Variants in SCUBE1 observed in about 807,000 individuals in gnomAD.
The protein encoded by SCUBE1 is signal peptide, CUB domain and EGF like domain containing 1.
SCUBE1 carries 59 observed loss-of-function variants against 124.4 expected under a neutral mutation model. That is an observed-to-expected ratio of 0.47 (90% CI 0.38 to 0.59). SCUBE1 has a LOEUF of 0.59. SCUBE1 is among the 20% of genes least tolerant of loss of function. SCUBE1 has a pLI of 0.00. For synonymous variants in SCUBE1, 545 were observed against 550.9 expected (o/e 0.99, Z 0.15); for missense variants, 1,150 against 1,371.2 (o/e 0.84, Z 2.55).
chr22:43,322,558 G>A (rs150744738), intron 2 of SCUBE1, among the ~76,000 whole-genome samples: 2 of 152,276 alleles, frequency 1.3e-5, no homozygotes, highest in African/African-American at 4.8e-5. Flanking sequence ...GTTACAGTCT[G>A]CCCACTGGCC....
intron 21 of SCUBE1, among the ~76,000 whole-genome samples, chr22:43,206,822 A>G (rs1218902976): frequency 6.6e-6 from 1 of 152,156 alleles, no homozygotes; most frequent in Non-Finnish European, 1.5e-5. Flanking sequence ...GAGAGAGCCC[A>G]GGACGCATCC....
In SCUBE1 at chr22:43,279,148, C is replaced by T. The variant is rs184741678; in HGVS notation, c.484+11898G>A. ...GGTTTCAGATACAGGCTGCCCCAGA[C>T]GCTGCTGGGGAGAAACACTAGGTCT... is the stretch of plus-strand genomic sequence containing the variant. On this transcript the variant is annotated intron_variant, in intron 4 of 21. Coordinates refer to ENST00000360835, the MANE Select transcript of SCUBE1 (RefSeq NM_173050.5). Among the ~76,000 whole-genome samples the T allele has an allele frequency of 2.2e-4, 33 of 152,230 alleles. No individual in the cohort carries two copies. The East Asian group carries it at 4.4e-3, about 21-fold the overall frequency.
At chr22:43,306,543 C>T (rs1044606999) in intron 3 of SCUBE1, among the ~76,000 whole-genome samples, 4 of 152,080 alleles carry the variant, frequency 2.6e-5, no homozygotes, top group Admixed American at 6.5e-5. Flanking sequence ...GATGGGATCA[C>T]GAACACACAC....
At chr22:43,310,108 G>A (rs952382815) in intron 3 of SCUBE1, among the ~76,000 whole-genome samples, 4 of 152,068 alleles carry the variant, frequency 2.6e-5, no homozygotes, top group African/African-American at 9.7e-5. Flanking sequence ...ATATGACCCT[G>A]CCTGACCCAG....
At chr22:43,207,767 G>T (rs1301953698) in intron 20 of SCUBE1, among the ~76,000 whole-genome samples, 154 bp from the exon 21 acceptor site, 2 of 152,308 alleles carry the variant, frequency 1.3e-5, no homozygotes, top group Middle Eastern at 3.4e-3. Flanking sequence ...TTTGAACCTG[G>T]GGCTCCCTGC....
chr22:43,242,584 C>T (rs1035334828), intron 6 of SCUBE1, among the ~76,000 whole-genome samples: 3 of 152,240 alleles, frequency 2.0e-5, no homozygotes, highest in East Asian at 1.9e-4. Flanking sequence ...ACATTATGGC[C>T]TCATGAGGAA....
At chr22:43,306,416 C>T (rs1472303939) in intron 3 of SCUBE1, among the ~76,000 whole-genome samples, 1 of 152,142 alleles carries the variant, frequency 6.6e-6, no homozygotes, top group African/African-American at 2.4e-5. Flanking sequence ...TTTATGGACT[C>T]GGTATTCTCT....
At chr22:43,254,619 G>A (rs972012115) in intron 6 of SCUBE1, among the ~76,000 whole-genome samples, 8 of 152,170 alleles carry the variant, frequency 5.3e-5, no homozygotes, top group South Asian at 2.1e-4. Context: ...CCTCTTCCTC[G>A]GAGAAATGGA....
rs1374825511 is a variant in SCUBE1 at position 43,229,103 on chromosome 22, G to T, written c.1053C>A (p.Gly351=). The T allele has an allele frequency of 6.2e-7, 1 of 1,613,706 alleles. No individual in the cohort carries two copies. The highest frequency in any genetic ancestry group is 8.5e-7 in the Non-Finnish European group (1 of 1,179,912). ...PGSFQCLCHR[G]YILYGTTHCG... ...AGTGGGTTGTCCCGTAGAGGATGTAGCCGCGGTGACACAGGCACTGGAAGC... is the reference window on the plus strand; with the variant it reads ...AGTGGGTTGTCCCGTAGAGGATGTATCCGCGGTGACACAGGCACTGGAAGC... The change falls in exon 9 of 22, where the codon GGC becomes GGA. Residue 351 remains glycine (G), a synonymous_variant. Transcript: ENST00000360835.
At chr22:43,229,885 G>C (rs994313249) in intron 8 of SCUBE1, among the ~76,000 whole-genome samples, 1 of 151,156 alleles carries the variant, frequency 6.6e-6, no homozygotes, top group African/African-American at 2.5e-5. Context: ...GAGGAAAATG[G>C]CTGTTATGGG....
chr22:43,218,103 G>T, intron 15 of SCUBE1, 152 bp downstream of exon 15: 1 of 705,970 alleles, frequency 1.4e-6, no homozygotes, highest in Non-Finnish European at 2.5e-6. Flanking sequence ...TGATGACCAT[G>T]AGGGCTGCAG....
At chr22:43,320,306 GTGTACAA>G (rs1483020221) in intron 2 of SCUBE1, among the ~76,000 whole-genome samples, 40 of 152,322 alleles carry the variant, frequency 2.6e-4, no homozygotes, top group African/African-American at 9.1e-4. Context: ...CACGGAGCCA[GTGTACAA>G]TTTCTGAAAA....
intron 4 of SCUBE1, among the ~76,000 whole-genome samples, chr22:43,271,326 G>A (rs1013500107): frequency 6.6e-5 from 10 of 152,112 alleles, no homozygotes; most frequent in African/African-American, 2.2e-4. Flanking sequence ...CTTTGCCCTC[G>A]TCCCCTGTAC....
intron 3 of SCUBE1, among the ~76,000 whole-genome samples, chr22:43,299,205 T>C (rs757717791): frequency 9.2e-5 from 14 of 152,040 alleles, no homozygotes; most frequent in Non-Finnish European, 1.5e-4. Flanking sequence ...AAGGAGGTGA[T>C]GGAGGTAATG....
At chr22:43,342,251 C>T (rs1378575516) in intron 1 of SCUBE1, among the ~76,000 whole-genome samples, 1 of 71,584 alleles carries the variant, frequency 1.4e-5, no homozygotes, top group Non-Finnish European at 2.6e-5. Context: ...CAGGAGGGGA[C>T]CGGGTGGGAG....
intron 4 of SCUBE1, among the ~76,000 whole-genome samples, chr22:43,280,798 C>T (rs112358068): frequency 1.2e-3 from 156 of 125,910 alleles, no homozygotes; most frequent in Middle Eastern, 5.1e-3. Flanking sequence ...TCCTCAGCTA[C>T]CCTGTCACCT....
chr22:43,342,421 C>T (rs946873550), intron 1 of SCUBE1, among the ~76,000 whole-genome samples: 1 of 152,108 alleles, frequency 6.6e-6, no homozygotes. Flanking sequence ...CTTTCCTCCC[C>T]GTCCTGTCAG....
intron 6 of SCUBE1, among the ~76,000 whole-genome samples, chr22:43,242,183 G>C (rs2146689516): frequency 6.6e-6 from 1 of 152,312 alleles, no homozygotes; most frequent in East Asian, 1.9e-4. Flanking sequence ...TGGTGGGGCC[G>C]AGCACCGCGT....
intron 3 of SCUBE1, among the ~76,000 whole-genome samples, chr22:43,292,810 A>T (rs1925416118): frequency 6.6e-6 from 1 of 152,242 alleles, no homozygotes; most frequent in African/African-American, 2.4e-5. Flanking sequence ...TGAGGCCGAC[A>T]GCGAGGCCAT....
Sources: gnomAD v4.1 joint callset for allele counts (sites outside exome capture counted in the v4.1 genomes callset) on GRCh38, gnomAD v4.1.1 for gene constraint, MANE v1.5 for transcripts, NCBI Gene and HGNC (gene_info 2026-07-23, HGNC 2026-07-21) for gene names.